SLC18A1: variants seen among roughly 807,000 people sequenced by gnomAD.
SLC18A1 encodes solute carrier family 18 member A1, also known as chromaffin granule amine transporter.
In SLC18A1, 69 loss-of-function variants were observed where a neutral mutation model predicts 53.7. The observed-to-expected ratio is 1.28, with a 90% CI of 1.06 to 1.57. The LOEUF (loss-of-function observed/expected upper bound fraction) is 1.57. Among genes scored for constraint, SLC18A1 ranks in the 40% most tolerant of loss-of-function variants. The probability of loss-of-function intolerance (pLI) is 0.00; values close to 1 mark genes in which losing one functional copy is unlikely to be tolerated. For synonymous variants in SLC18A1, 320 were observed against 248.1 expected (o/e 1.29, Z -2.72); for missense variants, 932 against 668.1 (o/e 1.40, Z -4.35).
chr8:20,146,457 C>G (rs950008124), intron 15 of SLC18A1, among the ~76,000 whole-genome samples: 1 of 152,194 alleles, frequency 6.6e-6, no homozygotes, highest in Non-Finnish European at 1.5e-5. Flanking sequence ...CCACCACTCC[C>G]TATCACACCT....
At chr8:20,166,287 G>T (rs2071956534) in intron 8 of SLC18A1, among the ~76,000 whole-genome samples, 3 of 78,998 alleles carry the variant, frequency 3.8e-5, no homozygotes, top group East Asian at 4.9e-4. Flanking sequence ...GTGTGTGTGT[G>T]TCTATATATA....
In SLC18A1 at chr8:20,147,696, T is replaced by G. The variant is rs758430365; in HGVS notation, c.1237A>C (p.Ile413Leu). The change falls in exon 14 of 16, where the codon ATC becomes CTC. Residue 413 changes from isoleucine to leucine, a missense_variant. Coordinates refer to ENST00000276373, the MANE Select transcript of SLC18A1 (RefSeq NM_003053.4). ...CGTAGATCCACCAGGTGCCCCATGA[T>G]GGGCATCATAGAAGAATCCACCATG... ...IGMVDSSMMP[I>L]MGHLVDLRHT... is the part of the protein sequence containing the mutation. 2.5e-5 allele frequency: 41 copies of G among 1,613,612 alleles called. No homozygotes were observed. The highest frequency in any genetic ancestry group is 3.3e-5 in the Admixed American group (2 of 59,982).
chr8:20,154,572 T>G (rs2088343), intron 10 of SLC18A1, among the ~76,000 whole-genome samples: 1 of 151,932 alleles, frequency 6.6e-6, no homozygotes, highest in Non-Finnish European at 1.5e-5. Context: ...CATCTAGATG[T>G]TGCAGGAAAA....
chr8:20,175,101 T>C (rs1226239741), intron 4 of SLC18A1, among the ~76,000 whole-genome samples: 1 of 152,212 alleles, frequency 6.6e-6, no homozygotes, highest in East Asian at 1.9e-4. Flanking sequence ...GTGTTGAAGA[T>C]GGACACCCAG....
intron 10 of SLC18A1, among the ~76,000 whole-genome samples, chr8:20,155,011 G>T (rs2071647825): frequency 6.6e-6 from 1 of 152,128 alleles, no homozygotes; most frequent in African/African-American, 2.4e-5. Context: ...TCCTAATCCA[G>T]CTGAACACTA....
chr8:20,177,182 C>T (rs972693768), intron 4 of SLC18A1, among the ~76,000 whole-genome samples: 1 of 152,186 alleles, frequency 6.6e-6, no homozygotes, highest in African/African-American at 2.4e-5. Context: ...TGAATTTCTT[C>T]ATTTTCTTCA....
chr8:20,147,643 G>C lies in SLC18A1; in HGVS notation c.1290C>G (p.Tyr430Ter). ...TGCAAAAAGCCACATCAGCGATGGC[G>C]TAGACACTCCCATACACCGAGGTGT... is the stretch of plus-strand genomic sequence containing the variant. ...LRHTSVYGSV[Y>*]AIADVAFCMG... Residue 430 changes from tyrosine to a stop codon, truncating the protein, a stop_gained, in exon 14 of 16, where the codon TAC (tyrosine) becomes TAG (stop). Transcript: ENST00000276373. LOFTEE classifies it high-confidence loss of function. 1 of 1,614,090 alleles carries C rather than the reference G, an allele frequency of 6.2e-7. No individual in the cohort carries two copies. The highest frequency in any genetic ancestry group is 8.5e-7 in the Non-Finnish European group (1 of 1,180,008).
rs2072165425 is a variant in SLC18A1, at chr8:20,173,088, C to G, written c.672G>C (p.Glu224Asp). The change falls in exon 6 of 16, where the codon GAG becomes GAC. Residue 224 changes from glutamate to aspartate, a missense_variant. Transcript: ENST00000276373. ...MLASVYTDDH[E>D]RGRAMGTALG... The stretch of plus-strand genomic sequence containing the variant: ...GAGCAGTTCCCATGGCTCGTCCTCT[C>G]TCATGGTCATCAGTGTAGACACTGG... 1 of 1,582,646 alleles carries G rather than the reference C, an allele frequency of 6.3e-7. No homozygotes were observed. Among genetic ancestry groups the G allele is most frequent in the African/African-American group, 1.3e-5 (1 of 74,146 alleles).
Position 20,159,634 on chromosome 8 carries a change from C to CAAAAAAA in SLC18A1, c.1015+5228_1015+5234dup, listed in dbSNP as rs200123466. On this transcript the variant is annotated intron_variant, in intron 10 of 15. Transcript: ENST00000276373. Reference sequence around the variant, plus strand: ...TCACTCTATTAAATCTTGCAGCTGCCAAAAAAAAAAAAAAAAAAAAAAAAA... The same window carrying CAAAAAAA: ...TCACTCTATTAAATCTTGCAGCTGCCAAAAAAAAAAAAAAAAAAAAAAAAAAAAAAAA... 3.2e-3 allele frequency among the ~76,000 whole-genome samples: 259 copies of CAAAAAAA among 81,440 alleles called. 3 individuals are homozygous for CAAAAAAA. Among genetic ancestry groups the CAAAAAAA allele is most frequent in the Middle Eastern group, 9.6e-3 (1 of 104 alleles). The allele number at this position is 81,440 out of a possible 152,430, so 53.4% of individuals were successfully genotyped here.
rs149345905 is a variant in SLC18A1, at chr8:20,155,704, C to T, written c.1016-4960G>A. Among the ~76,000 whole-genome samples the T allele has an allele frequency of 3.8e-3, 585 of 152,298 alleles. 4 individuals are homozygous for T. Among genetic ancestry groups the T allele is most frequent in the African/African-American group, 0.014 (562 of 41,554 alleles). ...AATCTACTTCCTCCAATCCCTGCCT[C>T]CTAGGTACTAATGCTTCAGACTTTC... On this transcript the variant is annotated intron_variant, in intron 10 of 15. Transcript: ENST00000276373.
chr8:20,171,883 G>A lies in SLC18A1; in HGVS notation c.725-389C>T, dbSNP rs184943011. On this transcript the variant is annotated intron_variant, in intron 6 of 15. Transcript: ENST00000276373. ...AGAGTATCTGGAGGGGAAGAAGCTT[G>A]TGTGAAGAACACAGAGGTGTCAGAA... Among the ~76,000 whole-genome samples the A allele has an allele frequency of 3.3e-5, 5 of 152,332 alleles. No homozygotes were observed. The East Asian group carries it at 7.7e-4, about 24-fold the overall frequency.
At chr8:20,151,148 T>G (rs1226574255) in intron 10 of SLC18A1, among the ~76,000 whole-genome samples, 51 of 54,148 alleles carry the variant, frequency 9.4e-4, no homozygotes, top group African/African-American at 3.1e-3. Flanking sequence ...TTTTTTTTTG[T>G]TTTTTTTTTG....
At chr8:20,160,259 A>T (rs2071790335) in intron 10 of SLC18A1, among the ~76,000 whole-genome samples, 1 of 148,178 alleles carries the variant, frequency 6.7e-6, no homozygotes, top group Non-Finnish European at 1.5e-5. Flanking sequence ...TTTATCTAGT[A>T]TGTGGAAGTA....
intron 10 of SLC18A1, among the ~76,000 whole-genome samples, chr8:20,159,613 T>C: frequency 8.3e-6 from 1 of 121,164 alleles, no homozygotes; most frequent in Non-Finnish European, 1.6e-5. Flanking sequence ...CTGTTTTCAC[T>C]CTATTAAATC....
chr8:20,171,227 C>A, intron 7 of SLC18A1, 81 bp from the exon 8 acceptor site: 1 of 1,460,776 alleles, frequency 6.8e-7, no homozygotes, highest in Non-Finnish European at 9.6e-7. Flanking sequence ...GTGCTACCAC[C>A]CTATTATGCA....
Position 20,144,984 on chromosome 8 carries a change from T to C in SLC18A1, c.*779A>G, listed in dbSNP as rs2071358311. 1 of 152,080 alleles carries C rather than the reference T, an allele frequency of 6.6e-6. No individual in the cohort carries two copies. The highest frequency in any genetic ancestry group is 2.1e-4 in the South Asian group (1 of 4,820). 9.4% of individuals were successfully genotyped at this position (152,080 alleles called of 1,614,324 possible). ...TAACTTCTTCCCATGAAATCTTGGG[T>C]CTAATCAGTTATTTTTTCTGTCTTT... On this transcript the variant is annotated 3_prime_UTR_variant, in exon 16 of 16. Coordinates refer to ENST00000276373, the MANE Select transcript of SLC18A1 (RefSeq NM_003053.4).
intron 2 of SLC18A1, among the ~76,000 whole-genome samples, chr8:20,179,772 G>A (rs996542491): frequency 3.3e-5 from 5 of 152,214 alleles, no homozygotes; most frequent in Admixed American, 2.6e-4. Flanking sequence ...ACCTTATACA[G>A]TTAGTCCTCA....
chr8:20,178,307 C>G (rs928511157), intron 4 of SLC18A1, 128 bp downstream of exon 4: 1 of 697,790 alleles, frequency 1.4e-6, no homozygotes, highest in South Asian at 2.0e-5. Flanking sequence ...AGCATTTAAA[C>G]CAATATTCCA....
intron 10 of SLC18A1, among the ~76,000 whole-genome samples, chr8:20,151,811 C>T (rs1291917282): frequency 6.6e-6 from 1 of 152,102 alleles, no homozygotes; most frequent in Non-Finnish European, 1.5e-5. Flanking sequence ...TTCATTCATT[C>T]ATTCATTCAT....
Sources: gnomAD v4.1 joint callset for allele counts (sites outside exome capture counted in the v4.1 genomes callset) on GRCh38, gnomAD v4.1.1 for gene constraint, MANE v1.5 for transcripts, NCBI Gene and HGNC (gene_info 2026-07-23, HGNC 2026-07-21) for gene names.